Variants in ZNF475 observed in about 807,000 individuals in gnomAD.
ZNF475 encodes the protein zinc finger protein 475.
At chr5:122,168,411 G>A in the ZNF475 span, among the ~76,000 whole-genome samples, 1 of 152,202 alleles carries the variant, frequency 6.6e-6, no homozygotes, top group Non-Finnish European at 1.5e-5. Context: ...TCCAATATGG[G>A]ATAACCAAGA....
the ZNF475 span, among the ~76,000 whole-genome samples, chr5:122,175,978 C>T: frequency 6.6e-6 from 1 of 152,130 alleles, no homozygotes; most frequent in East Asian, 1.9e-4. Flanking sequence ...TTTACCCTTA[C>T]CACTCCTTTG....
At chr5:122,175,918 G>A in the ZNF475 span, among the ~76,000 whole-genome samples, 1 of 152,102 alleles carries the variant, frequency 6.6e-6, no homozygotes, top group Admixed American at 6.6e-5. Flanking sequence ...TTTTTTGAAA[G>A]TGTATTGTTC....
At chr5:122,181,287 G>A in the ZNF475 span, among the ~76,000 whole-genome samples, 4 of 152,044 alleles carry the variant, frequency 2.6e-5, no homozygotes, top group Non-Finnish European at 2.9e-5. Context: ...TGAAGTCAAG[G>A]CCCTATGCAA....
At chr5:122,176,775 C>T in the ZNF475 span, among the ~76,000 whole-genome samples, 1 of 152,268 alleles carries the variant, frequency 6.6e-6, no homozygotes, top group East Asian at 1.9e-4. Context: ...GATCTATGTT[C>T]AAACTTAGGT....
chr5:122,167,878 T>C, the ZNF475 span, among the ~76,000 whole-genome samples: 2 of 152,234 alleles, frequency 1.3e-5, no homozygotes, highest in South Asian at 2.1e-4. Context: ...ACAATCATGC[T>C]GTGTGTACTC....
At chr5:122,169,944 G>T in the ZNF475 span, among the ~76,000 whole-genome samples, 4 of 152,154 alleles carry the variant, frequency 2.6e-5, 1 homozygote, top group African/African-American at 7.2e-5. Context: ...TGGTGGAAAT[G>T]AACTCATGCT....
At chr5:122,164,053 C>T in the ZNF475 span, among the ~76,000 whole-genome samples, 3 of 152,148 alleles carry the variant, frequency 2.0e-5, no homozygotes, top group East Asian at 5.8e-4. Flanking sequence ...ACTGACTCTG[C>T]AGGAGATCTC....
the ZNF475 span, among the ~76,000 whole-genome samples, chr5:122,161,946 A>G: frequency 6.6e-6 from 1 of 152,138 alleles, no homozygotes; most frequent in African/African-American, 2.4e-5. Flanking sequence ...AGAAAAACAA[A>G]AGCAGAAACG....
At chr5:122,171,035 C>T in the ZNF475 span, among the ~76,000 whole-genome samples, 3 of 152,048 alleles carry the variant, frequency 2.0e-5, no homozygotes, top group African/African-American at 7.2e-5. Context: ...CTTATTATGC[C>T]ACAGCATTGT....
chr5:122,172,193 G>T, the ZNF475 span, among the ~76,000 whole-genome samples: 1 of 152,134 alleles, frequency 6.6e-6, no homozygotes, highest in African/African-American at 2.4e-5. Flanking sequence ...AGGATCAGGG[G>T]TAGAGTGGCT....
At chr5:122,182,372 A>G in the ZNF475 span, 1 of 698,670 alleles carries the variant, frequency 1.4e-6, no homozygotes, top group South Asian at 2.9e-5. Flanking sequence ...TATTTTCCAT[A>G]GAAAGTAGAA....
chr5:122,167,485 T>C, the ZNF475 span, among the ~76,000 whole-genome samples: 1 of 152,256 alleles, frequency 6.6e-6, no homozygotes, highest in African/African-American at 2.4e-5. Flanking sequence ...TAGAGATCAT[T>C]TGAAATATTC....
chr5:122,173,832 GACTA>G, the ZNF475 span, among the ~76,000 whole-genome samples: 249 of 152,310 alleles, frequency 1.6e-3, no homozygotes, highest in African/African-American at 4.7e-3. Context: ...TAGATTTAGT[GACTA>G]ACTTTTTGTA....
At chr5:122,179,738 C>T in the ZNF475 span, 2 of 1,486,616 alleles carry the variant, frequency 1.3e-6, no homozygotes, top group African/African-American at 1.4e-5. Context: ...CTGGTAAGTT[C>T]CTAGAAAAAA....
At chr5:122,178,259 CA>C in the ZNF475 span, among the ~76,000 whole-genome samples, 1 of 152,142 alleles carries the variant, frequency 6.6e-6, no homozygotes, top group South Asian at 2.1e-4. Context: ...GGTATATACC[CA>C]GTAATGGGAT....
At chr5:122,182,535 A>G in the ZNF475 span, 1 of 1,533,904 alleles carries the variant, frequency 6.5e-7, no homozygotes, top group Non-Finnish European at 8.7e-7. Flanking sequence ...AGCTGCTTGG[A>G]CAAGTGCCCA....
the ZNF475 span, among the ~76,000 whole-genome samples, chr5:122,177,062 A>G: frequency 6.6e-6 from 1 of 152,228 alleles, no homozygotes; most frequent in East Asian, 1.9e-4. Context: ...AGGAATAGGA[A>G]GAGAGACAGG....
At chr5:122,174,909 T>C in the ZNF475 span, among the ~76,000 whole-genome samples, 1 of 152,208 alleles carries the variant, frequency 6.6e-6, no homozygotes, top group Non-Finnish European at 1.5e-5. Context: ...GTAAGAAACA[T>C]TTAAACATCT....
At chr5:122,166,429 T>C in the ZNF475 span, among the ~76,000 whole-genome samples, 2 of 152,186 alleles carry the variant, frequency 1.3e-5, no homozygotes, top group African/African-American at 2.4e-5. Flanking sequence ...ATGTGCCATG[T>C]TGGTGTGCTG....
Sources: gnomAD v4.1 joint callset for allele counts (sites outside exome capture counted in the v4.1 genomes callset) on GRCh38, gnomAD v4.1.1 for gene constraint, MANE v1.5 for transcripts, NCBI Gene and HGNC (gene_info 2026-07-23, HGNC 2026-07-21) for gene names.